SLC24A3: variants seen among roughly 807,000 people sequenced by gnomAD.
SLC24A3 encodes sodium/potassium/calcium exchanger 3.
In SLC24A3, 28 loss-of-function variants were observed where a neutral mutation model predicts 75.8. The observed-to-expected ratio is 0.37, with a 90% CI of 0.27 to 0.51. SLC24A3 has a LOEUF of 0.51. Ranked by LOEUF, SLC24A3 falls within the 20% of genes least tolerant of loss-of-function variation. The probability of loss-of-function intolerance (pLI) is 0.94; values close to 1 mark genes in which losing one functional copy is unlikely to be tolerated. For missense variants in SLC24A3, 663 were observed against 847.8 expected (o/e 0.78, Z 2.71); for synonymous variants, 372 against 334.1 (o/e 1.11, Z -1.24).
chr20:19,296,205 C>A (rs1984055478), intron 2 of SLC24A3, among the ~76,000 whole-genome samples: 1 of 149,116 alleles, frequency 6.7e-6, no homozygotes, highest in Non-Finnish European at 1.5e-5. Context: ...GTGGTGATAT[C>A]CCCATTATCA....
intron 3 of SLC24A3, among the ~76,000 whole-genome samples, chr20:19,576,108 T>C (rs1169500034): frequency 6.6e-6 from 1 of 152,130 alleles, no homozygotes; most frequent in Admixed American, 6.5e-5. Flanking sequence ...CTGCCTCATA[T>C]AATATTTAGA....
intron 2 of SLC24A3, among the ~76,000 whole-genome samples, chr20:19,469,581 T>C (rs1987830953): frequency 6.6e-6 from 1 of 152,126 alleles, no homozygotes; most frequent in African/African-American, 2.4e-5. Context: ...GGACATCCAG[T>C]AGACATCAGT....
chr20:19,652,539 T>A (rs2032218996), intron 6 of SLC24A3, among the ~76,000 whole-genome samples: 1 of 152,248 alleles, frequency 6.6e-6, no homozygotes, highest in Non-Finnish European at 1.5e-5. Context: ...ATTTTTCTGA[T>A]GTGAATTCTC....
intron 12 of SLC24A3, among the ~76,000 whole-genome samples, chr20:19,687,457 C>T (rs1411719888): frequency 3.3e-5 from 5 of 152,196 alleles, no homozygotes; most frequent in African/African-American, 1.2e-4. Context: ...ACTCACAGAC[C>T]CTGAGAATCT....
At chr20:19,234,629 C>T (rs948590100) in intron 1 of SLC24A3, among the ~76,000 whole-genome samples, 1 of 152,144 alleles carries the variant, frequency 6.6e-6, no homozygotes, top group Non-Finnish European at 1.5e-5. Flanking sequence ...ATAGAGTCTC[C>T]CATGGATGGT....
At chr20:19,343,074 AAAAAAAAAAAG>A (rs1344106951) in intron 2 of SLC24A3, among the ~76,000 whole-genome samples, 17 of 148,830 alleles carry the variant, frequency 1.1e-4, no homozygotes, top group South Asian at 4.2e-4. Context: ...CATCTCAAAA[AAAAAAAAAAAG>A]AAAAAAGAAA....
At chr20:19,220,880 GA>G (rs1478217521) in intron 1 of SLC24A3, among the ~76,000 whole-genome samples, 1 of 152,192 alleles carries the variant, frequency 6.6e-6, no homozygotes, top group African/African-American at 2.4e-5. Context: ...CCAGAGCTAA[GA>G]ACCAAAGGGT....
intron 3 of SLC24A3, among the ~76,000 whole-genome samples, chr20:19,552,168 G>A (rs545419059): frequency 6.6e-6 from 1 of 152,280 alleles, no homozygotes; most frequent in Admixed American, 6.5e-5. Flanking sequence ...TGTGAAAATT[G>A]CATGGGGCCC....
rs369128375 is a variant in SLC24A3 at position 19,695,742 on chromosome 20, T to A, written c.1492-1055T>A. On this transcript the variant is annotated intron_variant, in intron 13 of 16. Transcript: ENST00000328041. ...AGTCTCCAGGGAGGAAATTGAGATG[T>A]AGAAACACAACATTTCTGCCCCCAA... 2.6e-5 allele frequency: 4 copies of A among 152,286 alleles called. No homozygotes were observed. The East Asian group carries it at 7.7e-4, about 29-fold the overall frequency. The allele number at this position is 152,286 out of a possible 1,614,324, so 9.4% of individuals were successfully genotyped here. A position where few individuals can be genotyped will look rare whatever the true frequency, so the allele number is the denominator to read the frequency against.
chr20:19,665,829 GTGT>G (rs754504145), intron 7 of SLC24A3, 32 bp from the exon 8 acceptor site: 2 of 1,420,246 alleles, frequency 1.4e-6, no homozygotes, highest in South Asian at 2.5e-5. Context: ...GTGTGTGTGT[GTGT>G]CTAATCTTCT....
At chr20:19,235,944 G>T (rs1982153228) in intron 1 of SLC24A3, among the ~76,000 whole-genome samples, 1 of 152,310 alleles carries the variant, frequency 6.6e-6, no homozygotes, top group African/African-American at 2.4e-5. Context: ...TGAACGCTGG[G>T]TGACAAACCC....
At chr20:19,570,175 C>G (rs560521436) in intron 3 of SLC24A3, among the ~76,000 whole-genome samples, 142 of 151,622 alleles carry the variant, frequency 9.4e-4, no homozygotes, top group African/African-American at 3.3e-3. Flanking sequence ...GGGAAGCAGG[C>G]ACATCTTCAC....
At chr20:19,309,178 A>C (rs768044169) in intron 2 of SLC24A3, among the ~76,000 whole-genome samples, 1 of 152,242 alleles carries the variant, frequency 6.6e-6, no homozygotes, top group Non-Finnish European at 1.5e-5. Context: ...TCATCCCGAC[A>C]GCAGATCTAT....
At chr20:19,580,993 G>A (rs1160512868) in intron 4 of SLC24A3, among the ~76,000 whole-genome samples, 5 of 152,166 alleles carry the variant, frequency 3.3e-5, no homozygotes, top group Non-Finnish European at 5.9e-5. Flanking sequence ...TGAGGCTGCT[G>A]CCTAGTCCAG....
chr20:19,464,470 C>T lies in SLC24A3; in HGVS notation c.272-51018C>T, dbSNP rs566647105. Among the ~76,000 whole-genome samples, 10 of 152,342 alleles carry T rather than the reference C, an allele frequency of 6.6e-5. 1 individual carries two copies. In the South Asian group the frequency reaches 2.1e-3, roughly 32 times the overall value. On this transcript the variant is annotated intron_variant, in intron 2 of 16. Coordinates refer to ENST00000328041, the MANE Select transcript of SLC24A3 (RefSeq NM_020689.4). ...CCCATTCACGTGCATGCTCACAAAG[C>T]CAGGACCGAAGAGAGAGCTAGAGTC...
chr20:19,478,907 A>G (rs1988005111), intron 2 of SLC24A3, among the ~76,000 whole-genome samples: 2 of 152,250 alleles, frequency 1.3e-5, no homozygotes, highest in Non-Finnish European at 2.9e-5. Flanking sequence ...CTGTTGACTG[A>G]ACAAACCAGT....
chr20:19,326,642 AT>A (rs1391967649), intron 2 of SLC24A3, among the ~76,000 whole-genome samples: 1 of 151,008 alleles, frequency 6.6e-6, no homozygotes, highest in Non-Finnish European at 1.5e-5. Flanking sequence ...TAGTGATGCA[AT>A]CATAACTCAC....
intron 2 of SLC24A3, among the ~76,000 whole-genome samples, chr20:19,484,017 A>T (rs1052108822): frequency 6.6e-6 from 1 of 152,186 alleles, no homozygotes; most frequent in Non-Finnish European, 1.5e-5. Context: ...CAGGGTCTTG[A>T]AGAGATATTT....
Position 19,212,795 on chromosome 20 carries a change from G to T in SLC24A3, c.-48G>T. 4.1e-6 allele frequency: 4 copies of T among 978,946 alleles called. No homozygotes were observed. Among genetic ancestry groups the T allele is most frequent in the South Asian group, 9.2e-5 (2 of 21,792 alleles). 60.6% of individuals were successfully genotyped at this position (978,946 alleles called of 1,614,324 possible). On this transcript the variant is annotated 5_prime_UTR_variant, in exon 1 of 17. Transcript: ENST00000328041. ...CGCTGTCCCCGCCGCGGCCGCCCGC[G>T]ACAGGAGCGGCCGCCGCCCGCCGAG...
Sources: allele counts gnomAD v4.1 joint callset (sites outside exome capture counted in the v4.1 genomes callset), GRCh38; gene constraint gnomAD v4.1.1; transcripts MANE v1.5; gene names NCBI Gene and HGNC (gene_info 2026-07-23, HGNC 2026-07-21).